Variants in SORCS1 observed in about 807,000 individuals in gnomAD.
SORCS1 encodes the protein sortilin related VPS10 domain containing receptor 1, also known as VPS10 domain-containing receptor SorCS1.
In SORCS1, 60 loss-of-function variants were observed where a neutral mutation model predicts 146.1. That is an observed-to-expected ratio of 0.41 (90% CI 0.33 to 0.51). SORCS1 has a LOEUF of 0.51. SORCS1 is among the 20% of genes least tolerant of loss of function. The pLI, the probability that SORCS1 is intolerant of heterozygous loss-of-function variation, is 0.21. For missense variants in SORCS1, 1,352 were observed against 1,487.6 expected, an observed-to-expected ratio of 0.91 and a Z score of 1.50; for synonymous variants, 637 against 584.0, an observed-to-expected ratio of 1.09 and a Z score of -1.31.
At chr10:106,740,985 T>C (rs1857320813) in intron 5 of SORCS1, among the ~76,000 whole-genome samples, 1 of 152,150 alleles carries the variant, frequency 6.6e-6, no homozygotes, top group African/African-American at 2.4e-5. Flanking sequence ...AATAATACGA[T>C]TGTTGTGAAA....
At chr10:106,775,215 G>A (rs1385001214) in intron 4 of SORCS1, among the ~76,000 whole-genome samples, 2 of 152,222 alleles carry the variant, frequency 1.3e-5, no homozygotes, top group African/African-American at 4.8e-5. Flanking sequence ...CGAATAAAAT[G>A]TAACAACCCT....
intron 2 of SORCS1, among the ~76,000 whole-genome samples, chr10:106,871,067 A>C (rs1950391269): frequency 6.6e-6 from 1 of 152,234 alleles, no homozygotes; most frequent in South Asian, 2.1e-4. Flanking sequence ...TTCTCAAAAG[A>C]AGACATACAT....
intron 5 of SORCS1, among the ~76,000 whole-genome samples, chr10:106,731,166 G>T (rs556500437): frequency 6.6e-6 from 1 of 151,652 alleles, no homozygotes. Context: ...AAAATTAGCC[G>T]GGCGTGGTGG....
At chr10:106,805,577 GCC>G (rs1947121664) in intron 3 of SORCS1, among the ~76,000 whole-genome samples, 1 of 152,156 alleles carries the variant, frequency 6.6e-6, no homozygotes, top group Non-Finnish European at 1.5e-5. Flanking sequence ...TATTCCCAAT[GCC>G]AGGAAGATGA....
intron 17 of SORCS1, among the ~76,000 whole-genome samples, chr10:106,665,914 C>CGA (rs1331438340): frequency 2.0e-5 from 3 of 152,162 alleles, no homozygotes; most frequent in Non-Finnish European, 4.4e-5. Context: ...TTTCAGCTCA[C>CGA]TGTAAGCTCT....
At chr10:107,040,323 G>A (rs1171669808) in intron 1 of SORCS1, among the ~76,000 whole-genome samples, 3 of 152,004 alleles carry the variant, frequency 2.0e-5, no homozygotes, top group Non-Finnish European at 4.4e-5. Context: ...GAACGTCAGC[G>A]GCAATTTTCC....
chr10:106,948,812 T>A (rs1274372980), intron 2 of SORCS1, among the ~76,000 whole-genome samples: 1 of 151,792 alleles, frequency 6.6e-6, no homozygotes, highest in Non-Finnish European at 1.5e-5. Context: ...ACAAAAAAAA[T>A]TAGCTGGGCG....
chr10:106,816,454 GTCTC>G (rs1276877795), intron 3 of SORCS1, among the ~76,000 whole-genome samples: 2 of 152,166 alleles, frequency 1.3e-5, no homozygotes, highest in African/African-American at 4.8e-5. Flanking sequence ...TGGGACTTTG[GTCTC>G]TCTGTCAGCT....
Position 106,982,033 on chromosome 10 carries a change from G to A in SORCS1, c.559-25453C>T, listed in dbSNP as rs534071942. On this transcript the variant is annotated intron_variant, in intron 1 of 25. Coordinates refer to ENST00000263054, the MANE Select transcript of SORCS1 (RefSeq NM_052918.5). ...CCAAGTTCCAGGTCACCAAGAATCA[G>A]GCATCCATACATTAGCCGAGGCACA... Among the ~76,000 whole-genome samples the A allele has an allele frequency of 4.6e-5, 7 of 152,242 alleles. No individual in the cohort carries two copies. In the South Asian group the frequency reaches 1.5e-3, roughly 32 times the overall value.
chr10:106,873,199 G>T (rs1320167694), intron 2 of SORCS1, among the ~76,000 whole-genome samples: 1 of 151,152 alleles, frequency 6.6e-6, no homozygotes, highest in East Asian at 1.9e-4. Context: ...AGCTACTCAG[G>T]TACTCAGGAA....
At chr10:106,990,809 C>T (rs868713917) in intron 1 of SORCS1, among the ~76,000 whole-genome samples, 3 of 152,098 alleles carry the variant, frequency 2.0e-5, no homozygotes, top group Admixed American at 1.3e-4. Context: ...ATTAAACAGA[C>T]AAAAACCACC....
chr10:106,798,202 C>A (rs1469588824), intron 3 of SORCS1, among the ~76,000 whole-genome samples: 3 of 152,134 alleles, frequency 2.0e-5, no homozygotes, highest in African/African-American at 7.2e-5. Context: ...GGGAGAAATG[C>A]CTTTCACCTT....
chr10:106,639,677 T>C (rs761819870), intron 18 of SORCS1, among the ~76,000 whole-genome samples: 11 of 152,124 alleles, frequency 7.2e-5, no homozygotes, highest in Admixed American at 6.5e-5. Flanking sequence ...AGGAATAACA[T>C]AGGAGAAAGC....
intron 5 of SORCS1, among the ~76,000 whole-genome samples, chr10:106,748,096 A>T (rs369432061): frequency 1.8e-4 from 27 of 152,298 alleles, no homozygotes; most frequent in African/African-American, 5.8e-4. Flanking sequence ...TTCAAATGTT[A>T]TACAGGCATA....
chr10:106,737,342 T>G (rs1206319320), intron 5 of SORCS1, among the ~76,000 whole-genome samples: 1 of 152,348 alleles, frequency 6.6e-6, no homozygotes, highest in South Asian at 2.1e-4. Context: ...TTAATGACTT[T>G]GCTTTTTCCA....
At chr10:106,878,289 C>T (rs774430087) in intron 2 of SORCS1, among the ~76,000 whole-genome samples, 1 of 151,166 alleles carries the variant, frequency 6.6e-6, no homozygotes, top group Non-Finnish European at 1.5e-5. Flanking sequence ...CACAATAATT[C>T]GGGATATACA....
intron 1 of SORCS1, among the ~76,000 whole-genome samples, chr10:107,143,740 G>C (rs906973016): frequency 1.3e-5 from 2 of 151,986 alleles, no homozygotes; most frequent in Non-Finnish European, 2.9e-5. Flanking sequence ...TCCTGACCTC[G>C]TGATCTGCCC....
intron 2 of SORCS1, among the ~76,000 whole-genome samples, chr10:106,838,697 T>A (rs902256009): frequency 9.9e-5 from 15 of 152,234 alleles, no homozygotes; most frequent in African/African-American, 3.4e-4. Flanking sequence ...TTATTGCACT[T>A]TATTTTACTT....
intron 1 of SORCS1, among the ~76,000 whole-genome samples, chr10:106,957,174 G>GTTTTTTTTTTT (rs1288054851): frequency 3.2e-5 from 2 of 62,840 alleles, no homozygotes; most frequent in Admixed American, 1.8e-4. Context: ...TGTTTTTTTT[G>GTTTTTTTTTTT]TTTTTTTTTT....
Sources: gnomAD v4.1 joint callset for allele counts (sites outside exome capture counted in the v4.1 genomes callset) on GRCh38, gnomAD v4.1.1 for gene constraint, MANE v1.5 for transcripts, NCBI Gene and HGNC (gene_info 2026-07-23, HGNC 2026-07-21) for gene names.